The following TENM3 variants were observed in gnomAD, a reference collection of about 807,000 sequenced individuals.
TENM3 encodes the protein teneurin-3.
Under a neutral mutation model 255.1 loss-of-function variants are expected in TENM3, and 63 were observed. That is an observed-to-expected ratio of 0.25 (90% confidence interval 0.20 to 0.30). The LOEUF (loss-of-function observed/expected upper bound fraction) is 0.30, where lower values mean the gene tolerates loss of function less well. TENM3 is among the 10% of genes least tolerant of loss of function. TENM3 has a pLI of 1.00. For synonymous variants in TENM3, 1,306 were observed against 1,322.3 expected (o/e 0.99, Z 0.27); for missense variants, 2,929 against 3,461.1 (o/e 0.85, Z 3.86).
the TENM3 span, among the ~76,000 whole-genome samples, chr4:181,849,518 G>A: frequency 6.6e-6 from 1 of 152,080 alleles, no homozygotes; most frequent in African/African-American, 2.4e-5. Flanking sequence ...CAATTATGCT[G>A]CAGAAAAAAA....
In TENM3 at chr4:182,254,134, C is replaced by T. The variant is rs557807963; in HGVS notation, c.-76+10658C>T. 1.1e-3 allele frequency among the ~76,000 whole-genome samples: 165 copies of T among 152,240 alleles called. 1 individual carries two copies. The highest frequency in any genetic ancestry group is 1.6e-3 in the Admixed American group (25 of 15,300). On this transcript the variant is annotated intron_variant, in intron 1 of 27. Transcript: ENST00000511685. ...TTCTGTCTGGTGGAGCGTATTTTCT[C>T]AAGGGAGAAAAATTCAAAACCTAAT...
Position 182,653,878 on chromosome 4 carries a change from C to T in TENM3, c.1096C>T (p.Pro366Ser). ...CATGCCAACAAACACTGTGTCATTA[C>T]CTTCTGGAGACAATGGTAAGCGAAA... is the stretch of plus-strand genomic sequence containing the variant. ...DTMPTNTVSL[P>S]SGDNGKLGGF... The change falls in exon 6 of 28, where the codon CCT becomes TCT. Residue 366 changes from proline (P) to serine (S), a missense_variant. Physicochemically the swap from Pro to Ser is moderately conservative, Grantham distance 74. Transcript: ENST00000511685. 1 of 1,610,644 alleles carries T rather than the reference C, an allele frequency of 6.2e-7. No individual in the cohort carries two copies. Among genetic ancestry groups the T allele is most frequent in the South Asian group, 1.1e-5 (1 of 90,444 alleles).
chr4:182,188,745 G>T (rs1306020410), intron 1 of TENM3, among the ~76,000 whole-genome samples: 1 of 152,158 alleles, frequency 6.6e-6, no homozygotes, highest in Non-Finnish European at 1.5e-5. Context: ...GGTGCAATTT[G>T]AGTCCTCTAC....
intron 3 of TENM3, among the ~76,000 whole-genome samples, chr4:182,381,918 G>A (rs1025287408): frequency 2.0e-5 from 3 of 152,158 alleles, no homozygotes; most frequent in East Asian, 1.9e-4. Flanking sequence ...GGAAGAAATC[G>A]TCTTGTTCAT....
chr4:182,150,407 T>A (rs531760233), intron 1 of TENM3, among the ~76,000 whole-genome samples: 1 of 152,190 alleles, frequency 6.6e-6, no homozygotes, highest in East Asian at 1.9e-4. Context: ...AGAAGAAAAT[T>A]AACTTGTAAA....
intron 2 of TENM3, among the ~76,000 whole-genome samples, chr4:182,335,299 C>A (rs1489230250): frequency 1.8e-5 from 1 of 55,304 alleles, no homozygotes; most frequent in Admixed American, 1.9e-4. Flanking sequence ...GAGATCGAGA[C>A]CATCCTGTGA....
chr4:181,806,842 C>T, the TENM3 span, among the ~76,000 whole-genome samples: 5 of 152,342 alleles, frequency 3.3e-5, no homozygotes, highest in South Asian at 2.1e-4. Flanking sequence ...TCCATGGGCT[C>T]CTCAAACCCT....
At chr4:182,628,990 T>G (rs898315371) in intron 5 of TENM3, 101 bp downstream of exon 5, 2 of 742,924 alleles carry the variant, frequency 2.7e-6, no homozygotes, top group Non-Finnish European at 4.4e-6. Flanking sequence ...ATTGTGAGAT[T>G]ATATTTGGTG....
Position 182,670,475 on chromosome 4 carries a change from T to C in TENM3, c.1112-2530T>C, listed in dbSNP as rs546075763. Among the ~76,000 whole-genome samples, 4 of 152,312 alleles carry C rather than the reference T, an allele frequency of 2.6e-5. No individual in the cohort carries two copies. In the East Asian group the frequency reaches 5.8e-4, roughly 22 times the overall value. On this transcript the variant is annotated intron_variant, in intron 6 of 27. Transcript: ENST00000511685. ...TGGGTTATTGCAGCTGTGTCCTCAC[T>C]CATCTCTTCATGTCCAGGCTTCCCA... is the stretch of plus-strand genomic sequence containing the variant.
At chr4:182,783,283 T>A (rs1765333157) in intron 24 of TENM3, among the ~76,000 whole-genome samples, 1 of 152,046 alleles carries the variant, frequency 6.6e-6, no homozygotes, top group Non-Finnish European at 1.5e-5. Context: ...TTTGCTTGTC[T>A]GCAAAGTATT....
chr4:182,161,155 G>A (rs1449296859), intron 1 of TENM3, among the ~76,000 whole-genome samples: 1 of 144,882 alleles, frequency 6.9e-6, no homozygotes, highest in Non-Finnish European at 1.5e-5. Context: ...GGTGGCTCAC[G>A]CCTGTAATCC....
At chr4:182,491,221 A>G (rs1397382528) in intron 3 of TENM3, among the ~76,000 whole-genome samples, 1 of 152,152 alleles carries the variant, frequency 6.6e-6, no homozygotes, top group African/African-American at 2.4e-5. Flanking sequence ...TTAACAGACA[A>G]ATATTTTATG....
chr4:182,183,848 C>A (rs1187124514), intron 1 of TENM3, among the ~76,000 whole-genome samples: 1 of 152,064 alleles, frequency 6.6e-6, no homozygotes, highest in East Asian at 1.9e-4. Flanking sequence ...ACATTCTAGT[C>A]TTCAGTGGGG....
intron 5 of TENM3, among the ~76,000 whole-genome samples, chr4:182,646,986 A>T (rs1315181811): frequency 6.6e-6 from 1 of 152,312 alleles, no homozygotes; most frequent in South Asian, 2.1e-4. Flanking sequence ...TGATTCTGTA[A>T]GTAAGCATGA....
At chr4:182,798,630 T>G (rs1766671545) in intron 27 of TENM3, among the ~76,000 whole-genome samples, 1 of 152,232 alleles carries the variant, frequency 6.6e-6, no homozygotes, top group Non-Finnish European at 1.5e-5. Flanking sequence ...CATTTGAACA[T>G]GCACTTCCTA....
intron 3 of TENM3, among the ~76,000 whole-genome samples, chr4:182,492,550 T>C (rs1472736510): frequency 6.6e-6 from 1 of 152,146 alleles, no homozygotes; most frequent in African/African-American, 2.4e-5. Context: ...ATCTTAAGAA[T>C]TTTTCAGTTT....
chr4:181,507,906 C>T, the TENM3 span, among the ~76,000 whole-genome samples: 2 of 152,180 alleles, frequency 1.3e-5, no homozygotes, highest in African/African-American at 4.8e-5. Context: ...ATTATTGACT[C>T]ATGCCCCAAA....
intron 1 of TENM3, among the ~76,000 whole-genome samples, chr4:182,154,569 T>C (rs1222701188): frequency 6.6e-6 from 1 of 152,192 alleles, no homozygotes; most frequent in East Asian, 1.9e-4. Flanking sequence ...GAAGCCAGAT[T>C]ATCTATTGAA....
At chr4:182,006,075 T>C in the TENM3 span, among the ~76,000 whole-genome samples, 1 of 152,210 alleles carries the variant, frequency 6.6e-6, no homozygotes, top group Non-Finnish European at 1.5e-5. Context: ...CTTGCCTGAT[T>C]GCCCTGGCCA....
Sources: allele counts gnomAD v4.1 joint callset (sites outside exome capture counted in the v4.1 genomes callset), GRCh38; gene constraint gnomAD v4.1.1; transcripts MANE v1.5; gene names NCBI Gene and HGNC (gene_info 2026-07-23, HGNC 2026-07-21).